Variants in KIF21B observed in about 807,000 individuals in gnomAD.
KIF21B encodes the protein kinesin family member 21B.
KIF21B carries 85 observed loss-of-function variants against 192.9 expected under a neutral mutation model. The ratio of observed to expected loss-of-function variants is 0.44; its 90% CI spans 0.37 to 0.53. The LOEUF is 0.53. KIF21B is among the 20% of genes least tolerant of loss of function. The probability of loss-of-function intolerance (pLI) is 0.00; values close to 1 mark genes in which losing one functional copy is unlikely to be tolerated. For synonymous variants in KIF21B, 832 were observed against 884.6 expected, an observed-to-expected ratio of 0.94 and a Z score of 1.05; for missense variants, 1,716 against 2,194.8, an observed-to-expected ratio of 0.78 and a Z score of 4.36.
chr1:201,006,623 C>T (rs1252224706), intron 3 of KIF21B, among the ~76,000 whole-genome samples: 1 of 152,172 alleles, frequency 6.6e-6, no homozygotes, highest in East Asian at 1.9e-4. Context: ...GGTAGACACA[C>T]ACTATCATTT....
At chr1:201,005,793 A>C in intron 3 of KIF21B, 99 bp from the exon 4 acceptor site, 2 of 1,297,450 alleles carry the variant, frequency 1.5e-6, no homozygotes, top group Middle Eastern at 4.5e-4. Context: ...AGATGTGGAA[A>C]CTGAGGCTGT....
In KIF21B at chr1:201,023,197, G is replaced by T. The variant is rs1658955978; in HGVS notation, c.41+146C>A. The T allele has an allele frequency of 8.5e-6, 5 of 590,326 alleles. No homozygotes were observed. Among genetic ancestry groups the T allele is most frequent in the Non-Finnish European group, 1.3e-5 (5 of 379,472 alleles). The allele number at this position is 590,326 out of a possible 1,614,324, so 36.6% of individuals were successfully genotyped here. On this transcript the variant is annotated intron_variant, in intron 1 of 34. Transcript: ENST00000461742. This position sits in a 1 kb window ranked among gnomAD's most constrained non-coding sequence, Gnocchi z 5.9. ...CCCTGCGGCAGACTGGCCAGCGCGC[G>T]GCGCCCTCCATCCCGTCCCACGCCG...
At chr1:201,005,169 A>C (rs1041278572) in intron 5 of KIF21B, 139 bp downstream of exon 5, 3 of 1,287,464 alleles carry the variant, frequency 2.3e-6, no homozygotes, top group South Asian at 2.9e-5. Flanking sequence ...ACAAGGCTCA[A>C]GAAAAATATA....
Position 200,988,880 on chromosome 1 carries a change from G to C in KIF21B, c.3184C>G (p.Leu1062Val), listed in dbSNP as rs746818505. 3 of 1,613,056 alleles carry C rather than the reference G, an allele frequency of 1.9e-6. No homozygotes were observed. In the African/African-American group the frequency reaches 4.0e-5, roughly 22 times the overall value. Residue 1062 changes from leucine to valine, a missense_variant, in exon 22 of 35, where the codon CTG becomes GTG. Around this residue, in one of 3 missense-constraint regions of KIF21B, gnomAD observed 580 missense variants for 775.5 expected, o/e 0.75. Transcript: ENST00000461742. Reference sequence around the variant, plus strand: ...GAGCCTGCCATATCCGTCTGCCTCAGTCGGCCCTCCAACAGCCGGATCTGG... The same window carrying C: ...GAGCCTGCCATATCCGTCTGCCTCACTCGGCCCTCCAACAGCCGGATCTGG... Reference protein sequence around the residue: ...EAQIRLLEGRLRQTDMAGSSQ... With the variant: ...EAQIRLLEGRVRQTDMAGSSQ...
intron 30 of KIF21B, 132 bp downstream of exon 30, chr1:200,979,403 T>C (rs568412712): frequency 2.8e-5 from 17 of 600,854 alleles, no homozygotes; most frequent in African/African-American, 1.2e-4. Context: ...GCCAAGTTCA[T>C]AGGCTGGTAA....
chr1:200,996,225 C>T lies in KIF21B; in HGVS notation c.2248G>A (p.Ala750Thr). The T allele has an allele frequency of 6.2e-7, 1 of 1,613,620 alleles. No homozygotes were observed. The highest frequency in any genetic ancestry group is 8.5e-7 in the Non-Finnish European group (1 of 1,180,032). Residue 750 changes from alanine (A) to threonine (T), a missense_variant, in exon 15 of 35, where the codon GCC becomes ACC. By Grantham distance (58) the Ala-to-Thr change is moderately conservative. Transcript: ENST00000461742. ...RYERELKKLQ[A>T]EVAEMKKAKV... ...GCCTTCTTCATCTCAGCCACCTCGG[C>T]CTGTAGCTTCTTCAGCTCCCTCTCG...
Position 200,988,348 on chromosome 1 carries a change from G to A in KIF21B, c.3356C>T (p.Ser1119Phe), listed in dbSNP as rs1427316782. 6 of 1,614,010 alleles carry A rather than the reference G, an allele frequency of 3.7e-6. No individual in the cohort carries two copies. The highest frequency in any genetic ancestry group is 5.1e-6 in the Non-Finnish European group (6 of 1,180,024). ...EISEFSEGSF[S>F]QSFTMKGSTS... Reference sequence around the variant, plus strand: ...GGAGCCTTTCATGGTGAATGACTGGGAGAAGCTGAGGAAGAAGCAGAGAGA... The same window carrying A: ...GGAGCCTTTCATGGTGAATGACTGGAAGAAGCTGAGGAAGAAGCAGAGAGA... The change falls in exon 24 of 35, where the codon TCC (serine) becomes TTC (phenylalanine). Residue 1119 changes from serine (S) to phenylalanine (F), a missense_variant. Physicochemically the swap from Ser to Phe is radical, Grantham distance 155. Coordinates refer to ENST00000461742, the MANE Select transcript of KIF21B (RefSeq NM_001252102.2).
intron 17 of KIF21B, 145 bp from the exon 18 acceptor site, chr1:200,991,294 T>A (rs1656679679): frequency 3.0e-6 from 2 of 664,224 alleles, no homozygotes; most frequent in South Asian, 1.9e-5. Context: ...GGCCAAGGGG[T>A]CTCTGTTTGA....
rs775348376 is a variant in KIF21B, at chr1:200,999,866, C to T, written c.1767+17G>A. The T allele has an allele frequency of 2.2e-5, 35 of 1,612,052 alleles. No individual in the cohort carries two copies. Among genetic ancestry groups the T allele is most frequent in the Middle Eastern group, 3.3e-4 (2 of 6,084 alleles). The stretch of plus-strand genomic sequence containing the variant: ...AAGGCATGCATGTGGTGAGGTGGGG[C>T]GGCCCGTGCTCCTCACCTCCTCCGC... On this transcript the variant is annotated intron_variant, in intron 12 of 34. Coordinates refer to ENST00000461742, the MANE Select transcript of KIF21B (RefSeq NM_001252102.2). This position sits in a 1 kb window ranked among gnomAD's most constrained non-coding sequence, Gnocchi z 4.7.
chr1:200,985,459 G>C (rs1656220172), intron 26 of KIF21B, among the ~76,000 whole-genome samples: 1 of 152,166 alleles, frequency 6.6e-6, no homozygotes, highest in Non-Finnish European at 1.5e-5. Context: ...CTATACTCCA[G>C]CCTGGGTGAT....
chr1:201,006,150 G>A (rs1657808323), intron 3 of KIF21B, among the ~76,000 whole-genome samples: 1 of 152,254 alleles, frequency 6.6e-6, no homozygotes, highest in Non-Finnish European at 1.5e-5. Context: ...TCTCTGAGGT[G>A]ACGACAAGCT....
chr1:200,992,689 C>A (rs2102416442), intron 15 of KIF21B, among the ~76,000 whole-genome samples: 1 of 152,360 alleles, frequency 6.6e-6, no homozygotes, highest in South Asian at 2.1e-4. Context: ...CCCCTGGTGG[C>A]CCTCACCCAC....
chr1:200,985,488 TA>T, intron 26 of KIF21B, among the ~76,000 whole-genome samples: 1 of 152,082 alleles, frequency 6.6e-6, no homozygotes, highest in East Asian at 1.9e-4. Context: ...ACCCTATCTC[TA>T]AAAAGAAAAA....
At position 200,986,988 on chromosome 1, in the gene KIF21B, A is replaced by G; in HGVS notation, c.3614+8T>C. The G allele has an allele frequency of 6.2e-7, 1 of 1,613,860 alleles. No homozygotes were observed. The highest frequency in any genetic ancestry group is 8.5e-7 in the Non-Finnish European group (1 of 1,179,864). ...CACTCCAACCCACATTCCTGCTCCC[A>G]TCCTTACAAAGTGCTGCCCCGGGTA... On this transcript the variant is annotated splice_region_variant and intron_variant, in intron 25 of 34. Transcript: ENST00000461742.
At position 200,988,942 on chromosome 1, in the gene KIF21B, G is replaced by A. The variant is rs1438980853; in HGVS notation, c.3133-11C>T. On this transcript the variant is annotated splice_polypyrimidine_tract_variant and intron_variant, in intron 21 of 34. Transcript: ENST00000461742. ...TGCCACTTGCAGCCCCTGGGGGCAG[G>A]GAACAAAGCCTGGAGTTACCCCTCC... 6.2e-7 allele frequency: 1 copy of A among 1,604,470 alleles called. No individual in the cohort carries two copies. Among genetic ancestry groups the A allele is most frequent in the Non-Finnish European group, 8.5e-7 (1 of 1,175,440 alleles).
chr1:200,981,832 C>T (rs12118735), intron 28 of KIF21B, among the ~76,000 whole-genome samples: 31,699 of 151,948 alleles, frequency 0.21, 3,795 homozygotes, highest in Non-Finnish European at 0.28. Flanking sequence ...GCTAGGGGAG[C>T]GAGAAGGAGG....
chr1:201,012,423 C>T (rs1452119496), intron 1 of KIF21B, among the ~76,000 whole-genome samples: 1 of 152,354 alleles, frequency 6.6e-6, no homozygotes, highest in Non-Finnish European at 1.5e-5. Flanking sequence ...TCTCCATGTG[C>T]TAGCGCTGGC....
chr1:201,014,894 A>G (rs6700264), intron 1 of KIF21B, among the ~76,000 whole-genome samples: 84,891 of 152,128 alleles, frequency 0.56, 26,029 homozygotes, highest in African/African-American at 0.83. Context: ...TTTCTTACAA[A>G]TATGGTGCAT....
Position 200,987,046 on chromosome 1 carries a change from G to A in KIF21B, c.3564C>T (p.Tyr1188=). 1 of 1,614,058 alleles carries A rather than the reference G, an allele frequency of 6.2e-7. No individual in the cohort carries two copies. Among genetic ancestry groups the A allele is most frequent in the South Asian group, 1.1e-5 (1 of 91,072 alleles). ...TGACGGTGCGCGAGACCCTGTCCCGGTAATAGGGGTCTCGGACAGAGAAGC... is the reference window on the plus strand; with the variant it reads ...TGACGGTGCGCGAGACCCTGTCCCGATAATAGGGGTCTCGGACAGAGAAGC... The part of the protein sequence containing the change: ...GVGFSVRDPY[Y]RDRVSRTVSL... The change falls in exon 25 of 35, where the codon TAC becomes TAT. Residue 1188 remains tyrosine (Y), a synonymous_variant. Transcript: ENST00000461742.
Sources: allele counts gnomAD v4.1 joint callset (sites outside exome capture counted in the v4.1 genomes callset), GRCh38; gene constraint gnomAD v4.1.1; regional missense constraint gnomAD v4.1.1; non-coding constraint Gnocchi (gnomAD v3.1); transcripts MANE v1.5; gene names NCBI Gene and HGNC (gene_info 2026-07-23, HGNC 2026-07-21).